The following NCOA1 variants were observed in gnomAD, a reference collection of about 807,000 sequenced individuals.
NCOA1 encodes Hin-2 protein.
NCOA1 carries 35 observed loss-of-function variants against 150.9 expected under a neutral mutation model. The observed-to-expected ratio is 0.23, with a 90% CI of 0.18 to 0.31. The LOEUF (loss-of-function observed/expected upper bound fraction) is 0.31. NCOA1 is among the 10% of genes least tolerant of loss of function. NCOA1 has a pLI of 1.00. For missense variants in NCOA1, 1,491 were observed against 1,749.3 expected, an observed-to-expected ratio of 0.85 and a Z score of 2.63; for synonymous variants, 590 against 630.0, an observed-to-expected ratio of 0.94 and a Z score of 0.95.
At chr2:24,642,528 T>C (rs918448066) in intron 3 of NCOA1, among the ~76,000 whole-genome samples, 6 of 152,124 alleles carry the variant, frequency 3.9e-5, no homozygotes, top group Admixed American at 6.6e-5. Context: ...ACATTGTGGA[T>C]TGTTATCTCT....
At chr2:24,503,922 A>G (rs1663579754) in intron 1 of NCOA1, among the ~76,000 whole-genome samples, 1 of 151,696 alleles carries the variant, frequency 6.6e-6, no homozygotes, top group South Asian at 2.1e-4. Flanking sequence ...TTTAGTAGAG[A>G]CGGGGTTTCA....
chr2:24,740,574 C>G (rs1053535070), intron 18 of NCOA1, among the ~76,000 whole-genome samples: 1 of 152,132 alleles, frequency 6.6e-6, no homozygotes, highest in African/African-American at 2.4e-5. Flanking sequence ...ACTGAAATGT[C>G]TTATTACTAA....
chr2:24,706,583 T>G lies in NCOA1; in HGVS notation c.1113T>G (p.Leu371=). 1 of 1,610,260 alleles carries G rather than the reference T, an allele frequency of 6.2e-7. No individual in the cohort carries two copies. Residue 371 remains leucine (L), a synonymous_variant, in exon 13 of 23, where the codon CTT becomes CTG. Transcript: ENST00000348332. ...TTCCCCCTAGGGAGCACAGTGGGCT[T>G]TCTCCTCAAGATGACACTAATTCTG... ...IHIIDREHSG[L]SPQDDTNSGM... is the part of the protein sequence containing the mutation.
chr2:24,721,916 C>T (rs1411039294), intron 14 of NCOA1, among the ~76,000 whole-genome samples: 1 of 152,160 alleles, frequency 6.6e-6, no homozygotes, highest in African/African-American at 2.4e-5. Context: ...TTGTTTTAGT[C>T]TTCTGCCATG....
chr2:24,639,248 TAC>T, intron 3 of NCOA1, among the ~76,000 whole-genome samples: 1 of 152,238 alleles, frequency 6.6e-6, no homozygotes. Flanking sequence ...ATTTAATACA[TAC>T]AGTCTGTTTC....
rs1320991665 is a variant in NCOA1 at position 24,743,562 on chromosome 2, A to G, written c.3706+1376A>G. Among the ~76,000 whole-genome samples, 3 of 152,238 alleles carry G rather than the reference A, an allele frequency of 2.0e-5. No individual in the cohort carries two copies. In the East Asian group the frequency reaches 5.8e-4, roughly 29 times the overall value. On this transcript the variant is annotated intron_variant, in intron 19 of 22. Transcript: ENST00000348332. ...GATTATAAATCCATATTTTAATTAT[A>G]TGGTTGCCTGAACAAGAGTATGGCC...
At chr2:24,764,254 G>A (rs1174044654) in intron 22 of NCOA1, among the ~76,000 whole-genome samples, 6 of 152,178 alleles carry the variant, frequency 3.9e-5, no homozygotes, top group Non-Finnish European at 7.3e-5. Context: ...TCTTTCTACC[G>A]CCAGAGTCCA....
intron 3 of NCOA1, among the ~76,000 whole-genome samples, chr2:24,616,590 C>T (rs937929678): frequency 6.6e-6 from 1 of 152,112 alleles, no homozygotes; most frequent in Non-Finnish European, 1.5e-5. Flanking sequence ...AAAATACCCC[C>T]AAAACAGAGG....
intron 3 of NCOA1, among the ~76,000 whole-genome samples, chr2:24,620,047 C>T (rs939046111): frequency 7.2e-5 from 11 of 152,140 alleles, no homozygotes; most frequent in African/African-American, 2.7e-4. Context: ...ACTCCTCAGT[C>T]GTTCCTCATA....
intron 3 of NCOA1, among the ~76,000 whole-genome samples, chr2:24,599,319 T>C (rs1668011045): frequency 1.3e-5 from 2 of 152,218 alleles, no homozygotes; most frequent in South Asian, 4.1e-4. Flanking sequence ...TATTAAGGGA[T>C]GTTATTCTAC....
intron 1 of NCOA1, among the ~76,000 whole-genome samples, chr2:24,514,099 T>C (rs1207556141): frequency 6.6e-6 from 1 of 151,476 alleles, no homozygotes; most frequent in African/African-American, 2.4e-5. Context: ...CCATCCTGGC[T>C]AACACTGTGA....
chr2:24,628,761 G>A (rs1281844309), intron 3 of NCOA1, among the ~76,000 whole-genome samples: 1 of 152,214 alleles, frequency 6.6e-6, no homozygotes, highest in Non-Finnish European at 1.5e-5. Flanking sequence ...ATTATTCACA[G>A]CAGATAACAT....
At chr2:24,743,442 CA>C (rs1159641361) in intron 19 of NCOA1, among the ~76,000 whole-genome samples, 1 of 152,156 alleles carries the variant, frequency 6.6e-6, no homozygotes, top group Non-Finnish European at 1.5e-5. Flanking sequence ...AGATTTTAAT[CA>C]AAATTATGCC....
intron 2 of NCOA1, among the ~76,000 whole-genome samples, chr2:24,572,912 TA>T (rs1368885363): frequency 2.0e-5 from 3 of 152,160 alleles, no homozygotes; most frequent in African/African-American, 7.2e-5. Context: ...AGGTTATTGA[TA>T]AGAGATAAAA....
intron 6 of NCOA1, among the ~76,000 whole-genome samples, chr2:24,667,669 G>A (rs889580095): frequency 2.0e-5 from 3 of 152,118 alleles, no homozygotes; most frequent in Admixed American, 2.0e-4. Flanking sequence ...AGGATAGCTG[G>A]AAAAAATTTT....
chr2:24,726,637 C>T lies in NCOA1; in HGVS notation c.2648C>T (p.Pro883Leu), dbSNP rs766560944. Residue 883 changes from proline to leucine, a missense_variant, in exon 15 of 23, where the codon CCA becomes CTA. By Grantham distance (98) the Pro-to-Leu change is moderately conservative. This residue lies in a region of NCOA1 where 703 missense variants were observed against 717.7 expected (regional missense o/e 0.98). Transcript: ENST00000348332. Reference protein sequence around the residue: ...LEAIDNQFGQPGTGDQIPWTN... With the variant: ...LEAIDNQFGQLGTGDQIPWTN... ...GCAATTGATAACCAATTTGGACAAC[C>T]AGGAACAGGCGATCAGATTCCATGG... The T allele has an allele frequency of 1.9e-6, 3 of 1,610,470 alleles. No homozygotes were observed. The highest frequency in any genetic ancestry group is 1.3e-5 in the African/African-American group (1 of 74,662).
chr2:24,651,347 A>G (rs1182368300), intron 4 of NCOA1, among the ~76,000 whole-genome samples: 1 of 152,118 alleles, frequency 6.6e-6, no homozygotes, highest in Non-Finnish European at 1.5e-5. Context: ...TAATATATAT[A>G]TGCAATGGAA....
intron 1 of NCOA1, chr2:24,554,517 C>A (rs554257316): frequency 6.6e-6 from 1 of 152,184 alleles, no homozygotes; most frequent in Admixed American, 6.5e-5. Context: ...GAGGAAATTA[C>A]GATAGAAAAG....
In NCOA1 at chr2:24,507,815, T is replaced by C. The variant is rs114248943; in HGVS notation, c.-396+16213T>C. Among the ~76,000 whole-genome samples the C allele has an allele frequency of 4.0e-3, 613 of 152,294 alleles. 8 individuals carry two copies. The highest frequency in any genetic ancestry group is 0.014 in the African/African-American group (591 of 41,552). ...TCTCTTATAACTGTATAGGACCTTG[T>C]AGCATATGGTTTGTGTGGTAAACTT... On this transcript the variant is annotated intron_variant, in intron 1 of 22. Transcript: ENST00000348332.
Sources: allele counts gnomAD v4.1 joint callset (sites outside exome capture counted in the v4.1 genomes callset), GRCh38; gene constraint gnomAD v4.1.1; regional missense constraint gnomAD v4.1.1; transcripts MANE v1.5; gene names NCBI Gene and HGNC (gene_info 2026-07-23, HGNC 2026-07-21).